The following ZCCHC7 variants were observed in gnomAD, a reference collection of about 807,000 sequenced individuals.
The protein encoded by ZCCHC7 is zinc finger CCHC-type containing 7.
In ZCCHC7, 35 loss-of-function variants were observed where a neutral mutation model predicts 52.0. The ratio of observed to expected loss-of-function variants is 0.67; its 90% CI spans 0.51 to 0.89. The LOEUF is 0.89. Ranked by LOEUF, ZCCHC7 falls within the 40% of genes least tolerant of loss-of-function variation. ZCCHC7 has a pLI of 0.00. For synonymous variants in ZCCHC7, 217 were observed against 221.5 expected (o/e 0.98, Z 0.18); for missense variants, 574 against 649.1 (o/e 0.88, Z 1.26).
chr9:37,271,135 C>G (rs554633677), intron 2 of ZCCHC7, among the ~76,000 whole-genome samples: 2 of 152,274 alleles, frequency 1.3e-5, no homozygotes, highest in African/African-American at 2.4e-5. Context: ...AGACACCTGA[C>G]ATTGTGCCAC....
intron 2 of ZCCHC7, among the ~76,000 whole-genome samples, chr9:37,253,730 T>C (rs531048701): frequency 2.0e-5 from 3 of 152,142 alleles, no homozygotes; most frequent in South Asian, 2.1e-4. Context: ...TTAGTAGTTA[T>C]CACATGTCAT....
At chr9:37,219,022 C>G (rs907420307) in intron 2 of ZCCHC7, among the ~76,000 whole-genome samples, 2 of 150,544 alleles carry the variant, frequency 1.3e-5, no homozygotes, top group African/African-American at 4.9e-5. Context: ...CAAGATTGCA[C>G]CACTGTGCTC....
At position 37,200,152 on chromosome 9, in the gene ZCCHC7, CTTTG is replaced by C. The variant is rs758877127; in HGVS notation, c.610+73214_610+73217del. On this transcript the variant is annotated intron_variant, in intron 2 of 8. Coordinates refer to ENST00000336755, the MANE Select transcript of ZCCHC7 (RefSeq NM_032226.3). ...TTAATCCTTTGTGTTTTCTCTGTTA[CTTTG>C]TTTTTCTAATTTCCTCTCTCTTTGT... Among the ~76,000 whole-genome samples the C allele has an allele frequency of 1.2e-3, 185 of 152,202 alleles. 8 individuals are homozygous for C. The highest frequency in any genetic ancestry group is 1.2e-3 in the Non-Finnish European group (82 of 67,996).
chr9:37,151,900 G>A (rs1293627791), intron 2 of ZCCHC7, among the ~76,000 whole-genome samples: 2 of 152,116 alleles, frequency 1.3e-5, no homozygotes, highest in Non-Finnish European at 2.9e-5. Flanking sequence ...TTGTTTCTTA[G>A]TATACTTTCT....
intron 6 of ZCCHC7, among the ~76,000 whole-genome samples, chr9:37,344,281 C>G (rs984674601): frequency 6.6e-6 from 1 of 152,178 alleles, no homozygotes; most frequent in Non-Finnish European, 1.5e-5. Context: ...TTTATCATCA[C>G]AATCCCTGCT....
intron 2 of ZCCHC7, among the ~76,000 whole-genome samples, chr9:37,196,571 T>A (rs1823299529): frequency 6.6e-6 from 1 of 152,184 alleles, no homozygotes; most frequent in African/African-American, 2.4e-5. Context: ...TTGTTTGATT[T>A]TTCTATTTTG....
At chr9:37,331,840 A>G (rs900951712) in intron 6 of ZCCHC7, among the ~76,000 whole-genome samples, 1 of 151,488 alleles carries the variant, frequency 6.6e-6, no homozygotes, top group Non-Finnish European at 1.5e-5. Context: ...AGTAGATATC[A>G]AGTGATAGGT....
At chr9:37,233,998 C>T (rs1394750080) in intron 2 of ZCCHC7, among the ~76,000 whole-genome samples, 1 of 152,044 alleles carries the variant, frequency 6.6e-6, no homozygotes, top group Non-Finnish European at 1.5e-5. Context: ...GGACTACAGG[C>T]GCCTGCCACC....
In ZCCHC7 at chr9:37,281,665, G is replaced by A. The variant is rs565798537; in HGVS notation, c.611-20523G>A. Among the ~76,000 whole-genome samples, 12 of 152,294 alleles carry A rather than the reference G, an allele frequency of 7.9e-5. 1 individual carries two copies. The South Asian group carries it at 1.2e-3, about 16-fold the overall frequency. Reference sequence around the variant, plus strand: ...ATGCACTTACACTGTTTGGTATGGCGTTTTGTATTACAGGAATGCTTTTCA... The same window carrying A: ...ATGCACTTACACTGTTTGGTATGGCATTTTGTATTACAGGAATGCTTTTCA... On this transcript the variant is annotated intron_variant, in intron 2 of 8. Transcript: ENST00000336755.
At chr9:37,263,580 TAAGA>T (rs566292794) in intron 2 of ZCCHC7, among the ~76,000 whole-genome samples, 1 of 152,164 alleles carries the variant, frequency 6.6e-6, no homozygotes, top group Non-Finnish European at 1.5e-5. Context: ...ATCCTACAGT[TAAGA>T]ACAAAAGACT....
intron 2 of ZCCHC7, among the ~76,000 whole-genome samples, chr9:37,205,598 C>G (rs997947027): frequency 6.6e-6 from 1 of 152,182 alleles, no homozygotes; most frequent in Non-Finnish European, 1.5e-5. Context: ...CTCACTGCAA[C>G]CTCCACCTCT....
At chr9:37,333,499 C>T (rs1830528616) in intron 6 of ZCCHC7, among the ~76,000 whole-genome samples, 1 of 151,710 alleles carries the variant, frequency 6.6e-6, no homozygotes, top group Non-Finnish European at 1.5e-5. Flanking sequence ...ATATGTCTCA[C>T]ATGGCCTTAA....
chr9:37,220,460 T>C lies in ZCCHC7; in HGVS notation c.611-81728T>C, dbSNP rs368489852. ...GGGAGGCTGAGGCAGGAGAATAACC[T>C]GAACCCGGGAGGCGAAAGTTGCAGT... On this transcript the variant is annotated intron_variant, in intron 2 of 8. Transcript: ENST00000336755. Among the ~76,000 whole-genome samples, 14 of 152,288 alleles carry C rather than the reference T, an allele frequency of 9.2e-5. 1 individual carries two copies. The East Asian group carries it at 1.4e-3, about 15-fold the overall frequency.
intron 1 of ZCCHC7, among the ~76,000 whole-genome samples, chr9:37,125,088 TGATC>T (rs1328664682): frequency 1.3e-5 from 2 of 152,206 alleles, no homozygotes; most frequent in Non-Finnish European, 2.9e-5. Context: ...CTGACTCAAG[TGATC>T]CACCCGCCTT....
intron 2 of ZCCHC7, chr9:37,205,131 A>G (rs1823834647): frequency 1.2e-5 from 3 of 241,992 alleles, no homozygotes; most frequent in African/African-American, 2.3e-5. Context: ...TAGCACCTGC[A>G]CAGTATGCAG....
intron 2 of ZCCHC7, among the ~76,000 whole-genome samples, chr9:37,239,778 A>G (rs1825803191): frequency 6.6e-6 from 1 of 152,080 alleles, no homozygotes; most frequent in South Asian, 2.1e-4. Flanking sequence ...TCCATTATGC[A>G]TGTATATTTG....
intron 5 of ZCCHC7, among the ~76,000 whole-genome samples, chr9:37,315,147 A>G (rs1287738336): frequency 6.6e-6 from 1 of 152,000 alleles, no homozygotes; most frequent in Non-Finnish European, 1.5e-5. Context: ...TGAGCTCTGC[A>G]TAATCTACAT....
At chr9:37,168,602 A>C (rs962917319) in intron 2 of ZCCHC7, among the ~76,000 whole-genome samples, 20 of 152,170 alleles carry the variant, frequency 1.3e-4, no homozygotes, top group Non-Finnish European at 2.9e-5. Context: ...TAAATTATGT[A>C]AACAAAGTAC....
intron 2 of ZCCHC7, among the ~76,000 whole-genome samples, chr9:37,205,737 C>T (rs1489935494): frequency 1.3e-5 from 2 of 152,144 alleles, no homozygotes; most frequent in African/African-American, 2.4e-5. Context: ...AGGCTGATCT[C>T]GAACTCCTGA....
Sources: gnomAD v4.1 joint callset for allele counts (sites outside exome capture counted in the v4.1 genomes callset) on GRCh38, gnomAD v4.1.1 for gene constraint, MANE v1.5 for transcripts, NCBI Gene and HGNC (gene_info 2026-07-23, HGNC 2026-07-21) for gene names.